SPTA1: variants seen among roughly 807,000 people sequenced by gnomAD.
SPTA1 encodes the protein spectrin alpha chain, erythrocytic 1.
In SPTA1, 177 loss-of-function variants were observed where a neutral mutation model predicts 324.7. The ratio of observed to expected loss-of-function variants is 0.55; its 90% CI spans 0.48 to 0.62. SPTA1 has a LOEUF of 0.62. Among genes scored for constraint, SPTA1 ranks in the 20% least tolerant of loss-of-function variants. The pLI is 0.00. For missense variants in SPTA1, 3,162 were observed against 2,883.6 expected, an observed-to-expected ratio of 1.10 and a Z score of -2.21; for synonymous variants, 1,195 against 1,041.3, an observed-to-expected ratio of 1.15 and a Z score of -2.84.
chr1:158,658,282 TG>T (rs1652969988), intron 18 of SPTA1, among the ~76,000 whole-genome samples: 1 of 152,096 alleles, frequency 6.6e-6, no homozygotes, highest in Admixed American at 6.5e-5. Flanking sequence ...GATCAACATT[TG>T]GGAAAGACAA....
chr1:158,611,640 A>G (rs1202101731), intron 51 of SPTA1: 5 of 397,594 alleles, frequency 1.3e-5, no homozygotes, highest in African/African-American at 2.1e-5. Context: ...CATTCCCTAA[A>G]GTTGTTTTAT....
chr1:158,628,648 G>T (rs536317222), intron 39 of SPTA1, among the ~76,000 whole-genome samples: 3 of 152,094 alleles, frequency 2.0e-5, no homozygotes, highest in South Asian at 4.2e-4. Context: ...AAGCCTGAAT[G>T]AATCATATTT....
chr1:158,642,839 G>A lies in SPTA1; in HGVS notation c.4580C>T (p.Ser1527Phe), dbSNP rs746382885. 1.9e-6 allele frequency: 3 copies of A among 1,613,824 alleles called. No homozygotes were observed. The highest frequency in any genetic ancestry group is 2.2e-5 in the East Asian group (1 of 44,868). The change falls in exon 32 of 52, where the codon TCC becomes TTC. Residue 1527 changes from serine (S) to phenylalanine (F), a missense_variant. Coordinates refer to ENST00000643759, the MANE Select transcript of SPTA1 (RefSeq NM_003126.4). ...CTGAATGTTAGTGGCGTCTTTGTAG[G>A]ATTCATCACAGGCTGTGGGCAGCAT... ...SEMLPTACDE[S>F]YKDATNIQRK...
chr1:158,632,705 ATTG>A (rs1440614481), intron 39 of SPTA1, among the ~76,000 whole-genome samples: 1 of 151,894 alleles, frequency 6.6e-6, no homozygotes, highest in Non-Finnish European at 1.5e-5. Context: ...TCATTTATGC[ATTG>A]TTGTTAAGAG....
chr1:158,637,364 C>T (rs1183394242), intron 36 of SPTA1, among the ~76,000 whole-genome samples: 1 of 152,158 alleles, frequency 6.6e-6, no homozygotes, highest in Non-Finnish European at 1.5e-5. Flanking sequence ...ATTGATTACT[C>T]ATAATAATCA....
intron 39 of SPTA1, among the ~76,000 whole-genome samples, chr1:158,631,103 C>A (rs183072271): frequency 1.3e-5 from 2 of 152,174 alleles, no homozygotes; most frequent in African/African-American, 4.8e-5. Context: ...TCAGTAATCC[C>A]ACTACTGGGT....
intron 23 of SPTA1, among the ~76,000 whole-genome samples, chr1:158,651,926 CGT>C (rs369306747): frequency 8.0e-5 from 12 of 149,552 alleles, no homozygotes; most frequent in African/African-American, 2.5e-4. Context: ...TGTGTGTGCG[CGT>C]GTGTGTGTGT....
chr1:158,652,849 T>C (rs558482593), intron 22 of SPTA1, among the ~76,000 whole-genome samples, 196 bp from the exon 23 acceptor site: 1 of 152,292 alleles, frequency 6.6e-6, no homozygotes, highest in African/African-American at 2.4e-5. Flanking sequence ...ACACATAGGA[T>C]TGCATTTAAA....
In SPTA1 at chr1:158,686,557, CAGAGAGAG is replaced by C. The variant is rs111674514; in HGVS notation, c.-48_-41del. 3 of 1,022,980 alleles carry C rather than the reference CAGAGAGAG, an allele frequency of 2.9e-6. No individual in the cohort carries two copies. Among genetic ancestry groups the C allele is most frequent in the Non-Finnish European group, 4.5e-6 (3 of 666,604 alleles). 63.4% of individuals were successfully genotyped at this position (1,022,980 alleles called of 1,614,324 possible). The stretch of plus-strand genomic sequence containing the variant: ...TAGAACCTGGCAAGATAAAATGTGT[CAGAGAGAG>C]AGAGAGAGAGAAATAATTCAAATGG... On this transcript the variant is annotated 5_prime_UTR_variant, in exon 1 of 52. The change creates a premature stop within an existing upstream ORF in the 5' untranslated region. Coordinates refer to ENST00000643759, the MANE Select transcript of SPTA1 (RefSeq NM_003126.4).
chr1:158,631,920 G>A (rs552267437), intron 39 of SPTA1, among the ~76,000 whole-genome samples: 17 of 152,106 alleles, frequency 1.1e-4, no homozygotes, highest in East Asian at 3.9e-4. Context: ...ACTACCTATC[G>A]TCCAGCAATT....
At position 158,647,627 on chromosome 1, in the gene SPTA1, C is replaced by G; in HGVS notation, c.3808G>C (p.Ala1270Pro). ...LQRQKMELNE[A>P]WEDLQGRTKD... ...GTACGCCCCTGCAGGTCTTCCCAGG[C>G]CTCATTCAGCTCCATTTTCTGTCTC... Residue 1270 changes from alanine to proline, a missense_variant, in exon 27 of 52, where the codon GCC becomes CCC. Ala to Pro is a conservative substitution (Grantham distance 27). Transcript: ENST00000643759. The G allele has an allele frequency of 4.3e-6, 7 of 1,613,974 alleles. No homozygotes were observed. The highest frequency in any genetic ancestry group is 5.9e-6 in the Non-Finnish European group (7 of 1,179,942).
intron 22 of SPTA1, 126 bp downstream of exon 22, chr1:158,653,148 A>C (rs1652577351): frequency 6.9e-7 from 1 of 1,452,860 alleles, no homozygotes; most frequent in East Asian, 2.3e-5. Context: ...TTTACTTTCG[A>C]TTCTTAAAAT....
Position 158,666,329 on chromosome 1 carries a change from A to C in SPTA1, c.2207T>G (p.Val736Gly). 6.2e-7 allele frequency: 1 copy of C among 1,613,760 alleles called. No homozygotes were observed. The highest frequency in any genetic ancestry group is 1.1e-5 in the South Asian group (1 of 91,060). Residue 736 changes from valine to glycine, a missense_variant, in exon 16 of 52, where the codon GTG (valine) becomes GGG (glycine). Physicochemically the swap from Val to Gly is moderately radical, Grantham distance 109 (BLOSUM62 -3). Coordinates refer to ENST00000643759, the MANE Select transcript of SPTA1 (RefSeq NM_003126.4). ...LRKHGLLESA[V>G]AARQDQVDIL... ...CTAACAACAAACCTGACGAGCAGCC[A>C]CAGCCGACTCCAGGAGGCCGTGTTT...
Position 158,647,698 on chromosome 1 carries a change from G to T in SPTA1, c.3737C>A (p.Ala1246Glu). 6.2e-7 allele frequency: 1 copy of T among 1,613,876 alleles called. No individual in the cohort carries two copies. Among genetic ancestry groups the T allele is most frequent in the Non-Finnish European group, 8.5e-7 (1 of 1,179,908 alleles). ...TGGATGGGACTCACTGAGCCGCTCT[G>T]CTGTCTCCCCCAGTATGGTCACCTG... ...GDKVTILGET[A>E]ERLSESHPDA... The change falls in exon 27 of 52, where the codon GCA becomes GAA. Residue 1246 changes from alanine (A) to glutamate (E), a missense_variant. Coordinates refer to ENST00000643759, the MANE Select transcript of SPTA1 (RefSeq NM_003126.4).
chr1:158,641,797 T>A (rs923235570), intron 33 of SPTA1, among the ~76,000 whole-genome samples: 1 of 152,152 alleles, frequency 6.6e-6, no homozygotes, highest in Non-Finnish European at 1.5e-5. Context: ...TGACCCAGCC[T>A]TCCCATTTCT....
chr1:158,611,847 A>G (rs1465413783), intron 51 of SPTA1: 1 of 176,904 alleles, frequency 5.7e-6, no homozygotes, highest in Non-Finnish European at 1.2e-5. Flanking sequence ...CTCTTATGCC[A>G]AAGAGTTCCT....
At chr1:158,646,302 C>A (rs867194684) in intron 27 of SPTA1, among the ~76,000 whole-genome samples, 19 of 152,118 alleles carry the variant, frequency 1.2e-4, no homozygotes, top group African/African-American at 4.6e-4. Context: ...AATGTCATTA[C>A]TCTTGTTTGC....
At position 158,623,175 on chromosome 1, in the gene SPTA1, A is replaced by G. The variant is rs1387321802; in HGVS notation, c.5928T>C (p.Ser1976=). 1 of 1,614,040 alleles carries G rather than the reference A, an allele frequency of 6.2e-7. No homozygotes were observed. Among genetic ancestry groups the G allele is most frequent in the Non-Finnish European group, 8.5e-7 (1 of 1,180,006 alleles). The change falls in exon 43 of 52, where the codon AGT becomes AGC. Residue 1976 remains serine, a synonymous_variant. Transcript: ENST00000643759. ...LLAKQDTLDA[S]LQSFQQERLP... is the part of the protein sequence containing the mutation. ...GTCTCTCTTGCTGGAAACTCTGCAG[A>G]CTGGCATCCAGAGTGTCCTGAGAAA...
intron 30 of SPTA1, 48 bp downstream of exon 30, chr1:158,644,202 GTTA>G: frequency 6.2e-7 from 1 of 1,600,884 alleles, no homozygotes; most frequent in Non-Finnish European, 8.6e-7. Context: ...TAGGATTTCT[GTTA>G]TTATTACTAC....
Sources: gnomAD v4.1 joint callset for allele counts (sites outside exome capture counted in the v4.1 genomes callset) on GRCh38, gnomAD v4.1.1 for gene constraint, MANE v1.5 for transcripts, NCBI Gene and HGNC (gene_info 2026-07-23, HGNC 2026-07-21) for gene names.